The following SPATS2L variants were observed in gnomAD, a reference collection of about 807,000 sequenced individuals.
The protein encoded by SPATS2L is spermatogenesis associated serine rich 2 like.
A neutral mutation model predicts 59.6 loss-of-function variants in SPATS2L; 30 were observed. The observed-to-expected ratio is 0.50, with a 90% CI of 0.38 to 0.68. SPATS2L has a LOEUF of 0.68. Ranked by LOEUF, SPATS2L falls within the 30% of genes least tolerant of loss-of-function variation. The pLI is 0.00. For missense variants in SPATS2L, 615 were observed against 700.0 expected (o/e 0.88, Z 1.37); for synonymous variants, 252 against 263.5 (o/e 0.96, Z 0.42).
At chr2:200,353,279 G>A (rs951691205) in intron 2 of SPATS2L, among the ~76,000 whole-genome samples, 10 of 152,132 alleles carry the variant, frequency 6.6e-5, no homozygotes, top group African/African-American at 2.4e-4. Context: ...CAGCTTGATC[G>A]CTGCGTTGAA....
At chr2:200,407,543 A>G (rs2082729174) in intron 3 of SPATS2L, among the ~76,000 whole-genome samples, 1 of 152,160 alleles carries the variant, frequency 6.6e-6, no homozygotes, top group Non-Finnish European at 1.5e-5. Context: ...CTGTCATTTA[A>G]TGGGGGCTCA....
intron 1 of SPATS2L, among the ~76,000 whole-genome samples, chr2:200,309,287 G>A (rs906464245): frequency 1.1e-3 from 163 of 152,298 alleles, no homozygotes; most frequent in African/African-American, 3.8e-3. Flanking sequence ...CATTTTCTGA[G>A]GTGAGCCAGG....
At chr2:200,475,314 A>T (rs2087430686) in intron 12 of SPATS2L, among the ~76,000 whole-genome samples, 1 of 152,210 alleles carries the variant, frequency 6.6e-6, no homozygotes, top group Non-Finnish European at 1.5e-5. Context: ...CAGCCTCAGA[A>T]GGTCTGATGA....
chr2:200,477,485 A>C, intron 12 of SPATS2L, 151 bp from the exon 13 acceptor site: 1 of 560,086 alleles, frequency 1.8e-6, no homozygotes, highest in Non-Finnish European at 2.8e-6. Flanking sequence ...GCCTGACCTC[A>C]TCTTCATGTT....
intron 3 of SPATS2L, among the ~76,000 whole-genome samples, chr2:200,393,964 G>A (rs1485622423): frequency 2.6e-5 from 4 of 152,190 alleles, no homozygotes; most frequent in Non-Finnish European, 4.4e-5. Flanking sequence ...GGATGAATTC[G>A]AGTAGGTGCT....
At chr2:200,310,723 T>G (rs967652431) in intron 1 of SPATS2L, among the ~76,000 whole-genome samples, 4 of 152,254 alleles carry the variant, frequency 2.6e-5, no homozygotes, top group Non-Finnish European at 4.4e-5. Flanking sequence ...TATTTTCTAC[T>G]TCTTTCCAAC....
At chr2:200,308,116 C>G (rs1454544675) in intron 1 of SPATS2L, among the ~76,000 whole-genome samples, 1 of 151,806 alleles carries the variant, frequency 6.6e-6, no homozygotes, top group Non-Finnish European at 1.5e-5. Flanking sequence ...TTTTTAACAT[C>G]GTTTTAGTTT....
intron 11 of SPATS2L, among the ~76,000 whole-genome samples, chr2:200,471,547 G>A (rs151312343): frequency 2.5e-3 from 382 of 152,248 alleles, no homozygotes; most frequent in African/African-American, 7.8e-3. Flanking sequence ...GACAGACACC[G>A]TAATCATCCA....
Position 200,440,750 on chromosome 2 carries a change from A to G in SPATS2L, c.754A>G (p.Lys252Glu). 1.2e-6 allele frequency: 2 copies of G among 1,613,674 alleles called. No individual in the cohort carries two copies. The highest frequency in any genetic ancestry group is 1.7e-6 in the Non-Finnish European group (2 of 1,179,664). The change falls in exon 8 of 13, where the codon AAG becomes GAG. Residue 252 changes from lysine to glutamate, a missense_variant. Transcript: ENST00000409140. ...IKEEVDSSVK[K>E]IKAAFAELHN... Reference sequence around the variant, plus strand: ...GGAAGAAGTGGATAGTTCCGTGAAGAAGATCAAAGCTGCCTTTGCTGAATT... The same window carrying G: ...GGAAGAAGTGGATAGTTCCGTGAAGGAGATCAAAGCTGCCTTTGCTGAATT...
intron 2 of SPATS2L, among the ~76,000 whole-genome samples, chr2:200,360,597 C>A (rs2081063585): frequency 6.6e-6 from 1 of 152,158 alleles, no homozygotes; most frequent in Non-Finnish European, 1.5e-5. Context: ...TTTATTCTTT[C>A]AAATGAACCT....
chr2:200,451,934 A>C (rs901325215), intron 8 of SPATS2L, among the ~76,000 whole-genome samples: 1 of 151,762 alleles, frequency 6.6e-6, no homozygotes, highest in African/African-American at 2.4e-5. Context: ...TTATTTTGAA[A>C]TTTGTTTCAT....
chr2:200,454,677 T>C (rs2085711464), intron 8 of SPATS2L, among the ~76,000 whole-genome samples: 1 of 152,198 alleles, frequency 6.6e-6, no homozygotes. Context: ...AATTTTACTA[T>C]CCAGGCAGTT....
chr2:200,434,492 A>T (rs2084148326), intron 6 of SPATS2L, among the ~76,000 whole-genome samples: 1 of 152,076 alleles, frequency 6.6e-6, no homozygotes, highest in Admixed American at 6.6e-5. Context: ...AAAAAAAAAT[A>T]AAGCTGCCAG....
intron 8 of SPATS2L, among the ~76,000 whole-genome samples, chr2:200,452,002 T>A (rs1419301521): frequency 2.6e-5 from 4 of 152,340 alleles, no homozygotes; most frequent in Non-Finnish European, 5.9e-5. Flanking sequence ...TTCACCATGT[T>A]GGCCAGGCTG....
At chr2:200,368,812 T>G (rs534979059) in intron 2 of SPATS2L, among the ~76,000 whole-genome samples, 1 of 152,290 alleles carries the variant, frequency 6.6e-6, no homozygotes, top group African/African-American at 2.4e-5. Context: ...ACATTCAAAT[T>G]AGGGCTCTTT....
chr2:200,409,181 A>G (rs946665300), intron 3 of SPATS2L, among the ~76,000 whole-genome samples: 3 of 152,230 alleles, frequency 2.0e-5, no homozygotes, highest in African/African-American at 7.2e-5. Context: ...TGCGGGCGTG[A>G]ATTTTATGAG....
At chr2:200,343,551 A>G (rs2080404366) in intron 2 of SPATS2L, among the ~76,000 whole-genome samples, 1 of 152,170 alleles carries the variant, frequency 6.6e-6, no homozygotes, top group Admixed American at 6.5e-5. Flanking sequence ...GTTTGTTTTT[A>G]ATCCTTTAAA....
chr2:200,443,881 G>A (rs916580071), intron 8 of SPATS2L, among the ~76,000 whole-genome samples: 4 of 152,156 alleles, frequency 2.6e-5, no homozygotes, highest in African/African-American at 9.7e-5. Flanking sequence ...GGGCTGTGAA[G>A]AATACTTTGT....
At chr2:200,414,795 C>G (rs769924882) in intron 4 of SPATS2L, among the ~76,000 whole-genome samples, 1 of 152,170 alleles carries the variant, frequency 6.6e-6, no homozygotes, top group South Asian at 2.1e-4. Flanking sequence ...TCAAAATCCT[C>G]TGTAAATATG....
Sources: allele counts gnomAD v4.1 joint callset (sites outside exome capture counted in the v4.1 genomes callset), GRCh38; gene constraint gnomAD v4.1.1; transcripts MANE v1.5; gene names NCBI Gene and HGNC (gene_info 2026-07-23, HGNC 2026-07-21).